FRMD4A: variants seen among roughly 807,000 people sequenced by gnomAD.
FRMD4A encodes FERM domain containing 4A.
Under a neutral mutation model 129.1 loss-of-function variants are expected in FRMD4A, and 29 were observed. The ratio of observed to expected loss-of-function variants is 0.22; its 90% CI spans 0.17 to 0.31. FRMD4A has a LOEUF of 0.31. Among genes scored for constraint, FRMD4A ranks in the 10% least tolerant of loss-of-function variants. The pLI, the probability that FRMD4A is intolerant of heterozygous loss-of-function variation, is 1.00. For missense variants in FRMD4A, 1,272 were observed against 1,375.8 expected (o/e 0.92, Z 1.19); for synonymous variants, 634 against 571.6 (o/e 1.11, Z -1.56).
chr10:13,911,121 A>G (rs2094936670), intron 2 of FRMD4A, among the ~76,000 whole-genome samples: 1 of 152,164 alleles, frequency 6.6e-6, no homozygotes, highest in African/African-American at 2.4e-5. Flanking sequence ...ACAAATAAAA[A>G]TCCTGACTAC....
chr10:13,713,976 ATG>A lies in FRMD4A; in HGVS notation c.760-6865_760-6864del, dbSNP rs1321043741. On this transcript the variant is annotated intron_variant, in intron 12 of 24. Coordinates refer to ENST00000357447, the MANE Select transcript of FRMD4A (RefSeq NM_018027.5). The stretch of plus-strand genomic sequence containing the variant: ...ACACACATATATAATATATACATAT[ATG>A]TAATATACATATATAATATACATAT... Among the ~76,000 whole-genome samples the A allele has an allele frequency of 6.5e-3, 320 of 49,366 alleles. 88 individuals are homozygous for A. The highest frequency in any genetic ancestry group is 0.011 in the African/African-American group (135 of 12,562). 32.4% of individuals were successfully genotyped at this position (49,366 alleles called of 152,430 possible). A position where few individuals can be genotyped will look rare whatever the true frequency, so the allele number is the denominator to read the frequency against.
chr10:14,128,655 G>A (rs767426316), intron 2 of FRMD4A, among the ~76,000 whole-genome samples: 9 of 152,152 alleles, frequency 5.9e-5, no homozygotes, highest in Non-Finnish European at 1.3e-4. Context: ...TCAGCGGGCC[G>A]TATGTTACTG....
chr10:14,275,589 T>C (rs1845310562), intron 2 of FRMD4A, among the ~76,000 whole-genome samples: 1 of 152,222 alleles, frequency 6.6e-6, no homozygotes, highest in African/African-American at 2.4e-5. Context: ...TCAGATGGCA[T>C]TTCTTAAGTT....
At chr10:13,884,765 C>T (rs2094598565) in intron 2 of FRMD4A, among the ~76,000 whole-genome samples, 1 of 152,230 alleles carries the variant, frequency 6.6e-6, no homozygotes, top group Admixed American at 6.5e-5. Context: ...GCCATCTTCA[C>T]AAATCTTCCC....
chr10:13,656,194 A>C (rs966713982), intron 22 of FRMD4A, among the ~76,000 whole-genome samples: 1 of 152,288 alleles, frequency 6.6e-6, no homozygotes, highest in East Asian at 1.9e-4. Flanking sequence ...ACACTGGCCA[A>C]ATCTCTAGGC....
At position 13,887,419 on chromosome 10, in the gene FRMD4A, G is replaced by A. The variant is rs998541032; in HGVS notation, c.46-28507C>T. 5.9e-5 allele frequency among the ~76,000 whole-genome samples: 9 copies of A among 152,294 alleles called. No homozygotes were observed. In the South Asian group the frequency reaches 1.0e-3, roughly 18 times the overall value. On this transcript the variant is annotated intron_variant, in intron 2 of 24. Transcript: ENST00000357447. The stretch of plus-strand genomic sequence containing the variant: ...ACTGAGGCCGGGGGCGGTGGCTCAC[G>A]CCTGTAATCCCAGCACTTTGGGAGG...
intron 2 of FRMD4A, among the ~76,000 whole-genome samples, chr10:14,206,759 A>G (rs1842791297): frequency 7.4e-6 from 1 of 134,676 alleles, no homozygotes; most frequent in African/African-American, 2.7e-5. Context: ...GTGAGCTGAG[A>G]TCGCGCCACT....
intron 2 of FRMD4A, among the ~76,000 whole-genome samples, chr10:14,111,134 T>G (rs1482791807): frequency 6.6e-6 from 1 of 152,240 alleles, no homozygotes; most frequent in Non-Finnish European, 1.5e-5. Flanking sequence ...CGTTAAACAA[T>G]TATTCCCTCT....
chr10:14,186,278 T>G (rs563779078), intron 2 of FRMD4A, among the ~76,000 whole-genome samples: 2 of 152,172 alleles, frequency 1.3e-5, no homozygotes, highest in East Asian at 3.9e-4. Context: ...GATGTCACAG[T>G]CTGAACTACC....
At chr10:13,691,333 G>C (rs193104537) in intron 15 of FRMD4A, among the ~76,000 whole-genome samples, 1 of 152,192 alleles carries the variant, frequency 6.6e-6, no homozygotes, top group African/African-American at 2.4e-5. Flanking sequence ...ATCTCAGGAG[G>C]TTTGGGGCTC....
chr10:14,024,285 G>C (rs1365383012), intron 2 of FRMD4A, among the ~76,000 whole-genome samples: 1 of 152,200 alleles, frequency 6.6e-6, no homozygotes, highest in Non-Finnish European at 1.5e-5. Context: ...ATGGGGACAG[G>C]GTCCCAAGGA....
chr10:14,254,681 T>C (rs2132025044), intron 2 of FRMD4A, among the ~76,000 whole-genome samples: 1 of 152,134 alleles, frequency 6.6e-6, no homozygotes, highest in South Asian at 2.1e-4. Context: ...ACTTCTCATC[T>C]ATCATAAAAA....
intron 15 of FRMD4A, chr10:13,693,486 G>T (rs997845345): frequency 3.5e-6 from 4 of 1,146,518 alleles, no homozygotes; most frequent in Non-Finnish European, 3.2e-6. Context: ...ACCCACCTGG[G>T]AGTAGAATGC....
intron 2 of FRMD4A, among the ~76,000 whole-genome samples, chr10:14,223,220 G>A (rs1843321128): frequency 6.6e-6 from 1 of 152,210 alleles, no homozygotes; most frequent in South Asian, 2.1e-4. Flanking sequence ...ACAACTGCTA[G>A]GCAAAGTCAT....
chr10:13,713,235 G>T (rs1465743009), intron 12 of FRMD4A, among the ~76,000 whole-genome samples: 1 of 152,186 alleles, frequency 6.6e-6, no homozygotes, highest in African/African-American at 2.4e-5. Context: ...TCCTTGCACA[G>T]ATAAAGTAAC....
chr10:13,992,742 T>C (rs1588697368), intron 2 of FRMD4A, among the ~76,000 whole-genome samples: 1 of 151,742 alleles, frequency 6.6e-6, no homozygotes, highest in Non-Finnish European at 1.5e-5. Context: ...TCACCTGAGG[T>C]CAGGAGTTCA....
At chr10:13,844,734 A>G (rs1267814421) in intron 3 of FRMD4A, among the ~76,000 whole-genome samples, 1 of 152,198 alleles carries the variant, frequency 6.6e-6, no homozygotes, top group African/African-American at 2.4e-5. Context: ...GGAATGGTCA[A>G]AGATCACTGG....
rs144322050 is a variant in FRMD4A at position 13,715,821 on chromosome 10, G to A, written c.760-8708C>T. ...TTCAGGAGGCTGAGGAAGCAGAATTGCTTGAATTCGGGAGGCGGAGGTTGC... is the reference window on the plus strand; with the variant it reads ...TTCAGGAGGCTGAGGAAGCAGAATTACTTGAATTCGGGAGGCGGAGGTTGC... On this transcript the variant is annotated intron_variant, in intron 12 of 24. Coordinates refer to ENST00000357447, the MANE Select transcript of FRMD4A (RefSeq NM_018027.5). Among the ~76,000 whole-genome samples, 836 of 150,330 alleles carry A rather than the reference G, an allele frequency of 5.6e-3. 10 individuals are homozygous for A. Among genetic ancestry groups the A allele is most frequent in the African/African-American group, 0.019 (793 of 40,874 alleles).
In FRMD4A at chr10:13,670,592, AAC is replaced by A. The variant is rs947651637; in HGVS notation, c.1252-66_1252-65del. The A allele has an allele frequency of 3.6e-4, 557 of 1,560,542 alleles. 2 individuals are homozygous for A. Among genetic ancestry groups the A allele is most frequent in the South Asian group, 1.6e-3 (138 of 88,888 alleles). ...AGAGTGGGGCGTGTCTGCTTCCTAG[AAC>A]ACACACACACGCACATACACGCACA... On this transcript the variant is annotated intron_variant, in intron 16 of 24. Transcript: ENST00000357447.
Sources: gnomAD v4.1 joint callset for allele counts (sites outside exome capture counted in the v4.1 genomes callset) on GRCh38, gnomAD v4.1.1 for gene constraint, MANE v1.5 for transcripts, NCBI Gene and HGNC (gene_info 2026-07-23, HGNC 2026-07-21) for gene names.